GNPTG: variants seen among roughly 807,000 people sequenced by gnomAD.
GNPTG encodes the protein N-acetylglucosamine-1-phosphate transferase subunit gamma, also known as N-acetylglucosamine-1-phosphotransferase subunit gamma.
In GNPTG, 46 loss-of-function variants were observed where a neutral mutation model predicts 43.8. The observed-to-expected ratio is 1.05, with a 90% CI of 0.83 to 1.34. GNPTG has a LOEUF of 1.34. Among genes scored for constraint, GNPTG ranks in the 40% most tolerant of loss-of-function variants. The pLI, the probability that GNPTG is intolerant of heterozygous loss-of-function variation, is 0.00. For missense variants in GNPTG, 549 were observed against 411.3 expected, an observed-to-expected ratio of 1.33 and a Z score of -2.90; for synonymous variants, 250 against 172.8, an observed-to-expected ratio of 1.45 and a Z score of -3.50.
At chr16:1,359,645 C>T (rs894858811) in intron 3 of GNPTG, among the ~76,000 whole-genome samples, 7 of 152,248 alleles carry the variant, frequency 4.6e-5, no homozygotes, top group Non-Finnish European at 8.8e-5. Context: ...TCAGTATGTA[C>T]GAGTCTCTCA....
chr16:1,352,205 GC>G, intron 2 of GNPTG, 33 bp from the exon 3 acceptor site: 18 of 1,552,322 alleles, frequency 1.2e-5, no homozygotes, highest in Non-Finnish European at 1.6e-5. Context: ...GACGGCCCGG[GC>G]CCGTTCCCCG....
chr16:1,362,971 G>A (rs2034953775), intron 10 of GNPTG, 26 bp from the exon 11 acceptor site: 1 of 1,613,646 alleles, frequency 6.2e-7, no homozygotes, highest in Non-Finnish European at 8.5e-7. Context: ...GTCCAGGTGA[G>A]GACTGGCCAC....
At chr16:1,355,303 G>A (rs1049293866) in intron 3 of GNPTG, among the ~76,000 whole-genome samples, 10 of 152,206 alleles carry the variant, frequency 6.6e-5, no homozygotes, top group Admixed American at 2.0e-4. Flanking sequence ...CGTGTGAGGC[G>A]GATTGTGTGC....
intron 3 of GNPTG, 117 bp downstream of exon 3, chr16:1,352,423 C>A: frequency 1.9e-6 from 2 of 1,048,018 alleles, no homozygotes; most frequent in Non-Finnish European, 2.9e-6. Flanking sequence ...GGTTTGTCAG[C>A]CTTCTAAAAT....
Position 1,361,768 on chromosome 16 carries a change from G to C in GNPTG, c.204G>C (p.Ser68=), listed in dbSNP as rs777517766. The change falls in exon 4 of 11, where the codon TCG becomes TCC. Residue 68 remains serine, a synonymous_variant. Transcript: ENST00000204679. ...GACCCGTGCATCTCTTCCGACTCTCGGGCAAGTGCTTCAGCCTGGTGGAGT... is the reference window on the plus strand; with the variant it reads ...GACCCGTGCATCTCTTCCGACTCTCCGGCAAGTGCTTCAGCCTGGTGGAGT... ...VSGPVHLFRL[S]GKCFSLVEST... The C allele has an allele frequency of 1.4e-5, 22 of 1,614,140 alleles. No individual in the cohort carries two copies. In the Middle Eastern group the frequency reaches 1.8e-3, roughly 133 times the overall value.
rs1394867404 is a variant in GNPTG at position 1,361,909 on chromosome 16, C to T, written c.271C>T (p.Gln91Ter). The stretch of plus-strand genomic sequence containing the variant: ...GTTCTGCCCGTTCCACAACGTGACC[C>T]AGCACGAGCAGACCTTCCGCTGGAA... ...YEFCPFHNVT[Q>*]HEQTFRWNAY... is the part of the protein sequence containing the mutation. The change falls in exon 5 of 11, where the codon CAG becomes TAG. Residue 91 changes from glutamine (Q) to a stop codon, truncating the protein, a stop_gained. Coordinates refer to ENST00000204679, the MANE Select transcript of GNPTG (RefSeq NM_032520.5). LOFTEE classifies it high-confidence loss of function. The T allele has an allele frequency of 6.2e-7, 1 of 1,613,696 alleles. No homozygotes were observed. Among genetic ancestry groups the T allele is most frequent in the African/African-American group, 1.3e-5 (1 of 74,946 alleles).
chr16:1,361,898 A>G lies in GNPTG; in HGVS notation c.260A>G (p.His87Arg), dbSNP rs769717288. Residue 87 changes from histidine (H) to arginine (R), a missense_variant, in exon 5 of 11, where the codon CAC (histidine) becomes CGC (arginine). His to Arg is a conservative substitution (Grantham distance 29). Transcript: ENST00000204679. ...STYKYEFCPF[H>R]NVTQHEQTFR... is the part of the protein sequence containing the mutation. The stretch of plus-strand genomic sequence containing the variant: ...TACAAGTATGAGTTCTGCCCGTTCC[A>G]CAACGTGACCCAGCACGAGCAGACC... 8 of 1,613,830 alleles carry G rather than the reference A, an allele frequency of 5.0e-6. No homozygotes were observed. The South Asian group carries it at 6.6e-5, about 13-fold the overall frequency.
chr16:1,362,428 G>A (rs1264079846), intron 7 of GNPTG, 24 bp from the exon 8 acceptor site: 5 of 1,613,138 alleles, frequency 3.1e-6, no homozygotes, highest in Admixed American at 1.7e-5. Context: ...GTGCAGCTGA[G>A]CCTGGCTTCT....
At chr16:1,358,145 C>T (rs548261394) in intron 3 of GNPTG, 1 of 152,424 alleles carries the variant, frequency 6.6e-6, no homozygotes, top group South Asian at 2.1e-4. Flanking sequence ...CTAGCACTGC[C>T]TGGGGCTGGC....
chr16:1,354,585 CAAAA>C (rs869067502), intron 3 of GNPTG, among the ~76,000 whole-genome samples: 692 of 44,342 alleles, frequency 0.016, 6 homozygotes, highest in African/African-American at 0.051. Flanking sequence ...GACTTCGTCT[CAAAA>C]AAAAAAAAAA....
At position 1,351,941 on chromosome 16, in the gene GNPTG, ACCGCGCGGCGGCCGCTG is replaced by A. The variant is rs2034689538; in HGVS notation, c.-23_-7del. 1 of 1,276,706 alleles carries A rather than the reference ACCGCGCGGCGGCCGCTG, an allele frequency of 7.8e-7. No individual in the cohort carries two copies. The highest frequency in any genetic ancestry group is 1.6e-5 in the African/African-American group (1 of 63,756). The allele number at this position is 1,276,706 out of a possible 1,614,324, so 79.1% of individuals were successfully genotyped here. On this transcript the variant is annotated 5_prime_UTR_variant, in exon 1 of 11. Transcript: ENST00000204679. ...GGTCACGTGACCGTCACTTCACGTG[ACCGCGCGGCGGCCGCTG>A]CGGCGCGATGGCGGCGGGGCTGGCG... is the stretch of plus-strand genomic sequence containing the variant.
chr16:1,362,842 AAAG>A lies in GNPTG; in HGVS notation c.760_762del (p.Lys254del), dbSNP rs1436656670. Reference sequence around the variant, plus strand: ...GTTGGTAGGCTCATAAAGAACTCTCAAAGGAGATCAAAAGGCTGAAAGGTTTGC... The same window carrying A: ...GTTGGTAGGCTCATAAAGAACTCTCAGAGATCAAAAGGCTGAAAGGTTTGC... On this transcript the variant is annotated inframe_deletion, in exon 10 of 11. Transcript: ENST00000204679. 6.2e-7 allele frequency: 1 copy of A among 1,613,884 alleles called. No individual in the cohort carries two copies. The highest frequency in any genetic ancestry group is 2.2e-5 in the East Asian group (1 of 44,870).
intron 3 of GNPTG, chr16:1,352,544 G>A (rs1481020298): frequency 1.2e-5 from 7 of 562,454 alleles, no homozygotes; most frequent in East Asian, 6.1e-5. Context: ...TAATAGTCTG[G>A]TGACTTTGCA....
chr16:1,359,343 G>A (rs1051182295), intron 3 of GNPTG, among the ~76,000 whole-genome samples: 2 of 151,074 alleles, frequency 1.3e-5, no homozygotes, highest in African/African-American at 2.4e-5. Flanking sequence ...CTTGGCTCAC[G>A]GCAACCTCTC....
chr16:1,355,652 AGAGT>A (rs2034762591), intron 3 of GNPTG, among the ~76,000 whole-genome samples: 2 of 151,918 alleles, frequency 1.3e-5, no homozygotes, highest in Admixed American at 1.3e-4. Context: ...AGCGCCCAGC[AGAGT>A]CCAGCATAGC....
intron 3 of GNPTG, among the ~76,000 whole-genome samples, chr16:1,352,922 T>C (rs1019216718): frequency 2.6e-5 from 4 of 152,060 alleles, no homozygotes; most frequent in South Asian, 4.2e-4. Flanking sequence ...TATATATCAT[T>C]TAAACGCTGA....
chr16:1,360,636 G>A (rs1406233494), intron 3 of GNPTG: 2 of 152,106 alleles, frequency 1.3e-5, no homozygotes, highest in Non-Finnish European at 2.9e-5. Context: ...AGAAAAAAAA[G>A]AATCTAATGC....
intron 3 of GNPTG, among the ~76,000 whole-genome samples, chr16:1,356,756 C>CG (rs2034782718): frequency 6.6e-6 from 1 of 152,228 alleles, no homozygotes; most frequent in Admixed American, 6.5e-5. Context: ...CCGGCGCCCA[C>CG]GCCCCTCCTG....
intron 3 of GNPTG, among the ~76,000 whole-genome samples, chr16:1,358,713 C>T (rs1347866859): frequency 6.6e-6 from 1 of 152,124 alleles, no homozygotes; most frequent in Non-Finnish European, 1.5e-5. Context: ...GCCAGCATTG[C>T]ACGAGGGGTC....
Sources: gnomAD v4.1 joint callset for allele counts (sites outside exome capture counted in the v4.1 genomes callset) on GRCh38, gnomAD v4.1.1 for gene constraint, MANE v1.5 for transcripts, NCBI Gene and HGNC (gene_info 2026-07-23, HGNC 2026-07-21) for gene names.